The following KCNH5 variants were observed in gnomAD, a reference collection of about 807,000 sequenced individuals.
The protein encoded by KCNH5 is voltage-gated delayed rectifier potassium channel KCNH5.
In KCNH5, 46 loss-of-function variants were observed where a neutral mutation model predicts 96.1. The observed-to-expected ratio is 0.48, with a 90% confidence interval of 0.38 to 0.61. The LOEUF (loss-of-function observed/expected upper bound fraction) is 0.61. Among genes scored for constraint, KCNH5 ranks in the 20% least tolerant of loss-of-function variants. The pLI is 0.00. For missense variants in KCNH5, 907 were observed against 1,225.8 expected, an observed-to-expected ratio of 0.74 and a Z score of 3.88; for synonymous variants, 439 against 449.8, an observed-to-expected ratio of 0.98 and a Z score of 0.30.
At chr14:62,935,904 C>T (rs924624830) in intron 7 of KCNH5, among the ~76,000 whole-genome samples, 1 of 152,176 alleles carries the variant, frequency 6.6e-6, no homozygotes, top group Non-Finnish European at 1.5e-5. Flanking sequence ...GGAGAAACTG[C>T]TCAGCCTATC....
intron 6 of KCNH5, among the ~76,000 whole-genome samples, chr14:62,955,813 A>G (rs1890093476): frequency 6.6e-6 from 1 of 152,134 alleles, no homozygotes; most frequent in Admixed American, 6.6e-5. Flanking sequence ...ACATGGATCA[A>G]TTCATTTTGT....
chr14:62,975,645 A>G (rs1890485676), intron 6 of KCNH5, among the ~76,000 whole-genome samples: 1 of 152,150 alleles, frequency 6.6e-6, no homozygotes, highest in Non-Finnish European at 1.5e-5. Flanking sequence ...ACTGATGTTA[A>G]AAATGTAAGA....
chr14:62,878,999 G>C (rs1398627210), intron 7 of KCNH5, among the ~76,000 whole-genome samples: 2 of 152,006 alleles, frequency 1.3e-5, no homozygotes, highest in African/African-American at 4.8e-5. Context: ...GAGGTACTGG[G>C]AACTTCGATG....
chr14:62,754,071 T>C (rs1011513173), intron 10 of KCNH5, among the ~76,000 whole-genome samples: 8 of 152,136 alleles, frequency 5.3e-5, no homozygotes, highest in African/African-American at 1.9e-4. Context: ...ATATATAAAA[T>C]AGAAACAACA....
rs79913182 is a variant in KCNH5, at chr14:62,708,160, T to C, written c.2315A>G (p.Glu772Gly). ...ATCACGGTTGTTCTGCTTAAGGGAT[T>C]CACTGGTTTTCACATAGGCCAGAGA... Reference protein sequence around the residue: ...QTSLAYVKTSESLKQNNRDAM... With the variant: ...QTSLAYVKTSGSLKQNNRDAM... Residue 772 changes from glutamate to glycine, a missense_variant, in exon 11 of 11, where the codon GAA (glutamate) becomes GGA (glycine). Around this residue, in one of 6 missense-constraint regions of KCNH5, gnomAD observed 362 missense variants for 394.4 expected, o/e 0.92. Coordinates refer to ENST00000322893, the MANE Select transcript of KCNH5 (RefSeq NM_139318.5). 3.4e-4 allele frequency: 544 copies of C among 1,614,210 alleles called. 1 individual carries two copies. In the African/African-American group the frequency reaches 5.5e-3, roughly 16 times the overall value.
chr14:62,897,809 T>C (rs1888844626), intron 7 of KCNH5, among the ~76,000 whole-genome samples: 1 of 152,218 alleles, frequency 6.6e-6, no homozygotes, highest in Non-Finnish European at 1.5e-5. Context: ...CTTTGTTTCT[T>C]GTTATCTCTC....
intron 10 of KCNH5, among the ~76,000 whole-genome samples, chr14:62,733,301 C>T (rs1338283481): frequency 2.0e-5 from 3 of 152,064 alleles, no homozygotes; most frequent in African/African-American, 7.2e-5. Context: ...GAGGGTAGAA[C>T]CCTTATGATG....
chr14:62,878,088 C>T (rs1432766534), intron 7 of KCNH5, among the ~76,000 whole-genome samples: 9 of 149,190 alleles, frequency 6.0e-5, no homozygotes, highest in East Asian at 3.9e-4. Context: ...AGTAAACTAT[C>T]GCAAGGACAA....
At chr14:62,737,612 A>G (rs1261584843) in intron 10 of KCNH5, among the ~76,000 whole-genome samples, 2 of 152,196 alleles carry the variant, frequency 1.3e-5, no homozygotes, top group African/African-American at 4.8e-5. Context: ...TTTTAAAAAT[A>G]AATCTACTCA....
chr14:62,787,750 A>G (rs141074989), intron 9 of KCNH5, among the ~76,000 whole-genome samples: 1 of 152,154 alleles, frequency 6.6e-6, no homozygotes, highest in Non-Finnish European at 1.5e-5. Flanking sequence ...TGCTAAATCT[A>G]CTCTGCCTTT....
At chr14:62,856,806 C>A (rs556244088) in intron 7 of KCNH5, among the ~76,000 whole-genome samples, 19 of 151,956 alleles carry the variant, frequency 1.3e-4, no homozygotes, top group African/African-American at 4.3e-4. Flanking sequence ...AATCTACACC[C>A]CATTCCATCT....
intron 1 of KCNH5, among the ~76,000 whole-genome samples, chr14:63,040,133 C>A (rs544115107): frequency 6.6e-6 from 1 of 152,158 alleles, no homozygotes; most frequent in African/African-American, 2.4e-5. Context: ...AACTAAAGGG[C>A]TTCTTTAGGA....
At chr14:62,713,437 T>C (rs1349161701) in intron 10 of KCNH5, among the ~76,000 whole-genome samples, 1 of 152,194 alleles carries the variant, frequency 6.6e-6, no homozygotes, top group African/African-American at 2.4e-5. Context: ...AAATCAGTCA[T>C]TGAAAGGTCT....
intron 1 of KCNH5, 40 bp from the exon 2 acceptor site, chr14:63,016,994 A>T: frequency 6.3e-7 from 1 of 1,583,476 alleles, no homozygotes; most frequent in South Asian, 1.2e-5. Flanking sequence ...ATTTAGCTTA[A>T]TTCAACAATG....
intron 10 of KCNH5, among the ~76,000 whole-genome samples, chr14:62,761,722 G>A (rs1885755111): frequency 6.6e-6 from 1 of 151,972 alleles, no homozygotes; most frequent in East Asian, 1.9e-4. Context: ...TATTCTAGAA[G>A]ACAGAAGAAA....
At chr14:62,895,543 G>A (rs1375006779) in intron 7 of KCNH5, among the ~76,000 whole-genome samples, 1 of 152,082 alleles carries the variant, frequency 6.6e-6, no homozygotes, top group African/African-American at 2.4e-5. Flanking sequence ...ATGTTGTCCA[G>A]GCTGGTCTCA....
intron 7 of KCNH5, among the ~76,000 whole-genome samples, chr14:62,856,735 T>C (rs1402446089): frequency 1.3e-5 from 2 of 152,044 alleles, no homozygotes; most frequent in Non-Finnish European, 2.9e-5. Context: ...GACCCATATA[T>C]GTAGGCACCC....
chr14:62,721,608 C>A (rs1431681330), intron 10 of KCNH5, among the ~76,000 whole-genome samples: 3 of 152,030 alleles, frequency 2.0e-5, no homozygotes, highest in African/African-American at 7.3e-5. Context: ...TGCCCCCAAA[C>A]TGATTCTTAA....
chr14:62,720,950 GAC>G (rs1884800870), intron 10 of KCNH5, among the ~76,000 whole-genome samples: 1 of 152,182 alleles, frequency 6.6e-6, no homozygotes, highest in Admixed American at 6.5e-5. Flanking sequence ...TAGGATAACT[GAC>G]TAAACACTCC....
Sources: gnomAD v4.1 joint callset for allele counts (sites outside exome capture counted in the v4.1 genomes callset) on GRCh38, gnomAD v4.1.1 for gene constraint, gnomAD v4.1.1 regional missense constraint, MANE v1.5 for transcripts, NCBI Gene and HGNC (gene_info 2026-07-23, HGNC 2026-07-21) for gene names.